GRB14: variants seen among roughly 807,000 people sequenced by gnomAD.
GRB14 encodes the protein growth factor receptor bound protein 14, also known as growth factor receptor-bound protein 14.
A neutral mutation model predicts 69.1 loss-of-function variants in GRB14; 38 were observed. That is an observed-to-expected ratio of 0.55 (90% CI 0.42 to 0.72). GRB14 has a LOEUF of 0.72. GRB14 is among the 30% of genes least tolerant of loss of function. The probability of loss-of-function intolerance (pLI) is 0.00; values close to 1 mark genes in which losing one functional copy is unlikely to be tolerated. For synonymous variants in GRB14, 247 were observed against 241.3 expected, an observed-to-expected ratio of 1.02 and a Z score of -0.22; for missense variants, 666 against 666.1, an observed-to-expected ratio of 1.00 and a Z score of 0.00.
At chr2:164,526,061 G>A (rs1278937645) in intron 4 of GRB14, among the ~76,000 whole-genome samples, 10 of 151,868 alleles carry the variant, frequency 6.6e-5, no homozygotes, top group Admixed American at 6.6e-4. Flanking sequence ...CTTTAATAAG[G>A]ACTCACAACA....
chr2:164,530,694 A>G (rs1391577806), intron 3 of GRB14, among the ~76,000 whole-genome samples: 1 of 152,148 alleles, frequency 6.6e-6, no homozygotes, highest in African/African-American at 2.4e-5. Flanking sequence ...CCAGGAGGTT[A>G]GTGTGGCTAA....
chr2:164,556,814 T>C lies in GRB14; in HGVS notation c.325-8998A>G, dbSNP rs547140651. Among the ~76,000 whole-genome samples, 104 of 152,306 alleles carry C rather than the reference T, an allele frequency of 6.8e-4. No individual in the cohort carries two copies. The South Asian group carries it at 7.7e-3, about 11-fold the overall frequency. Reference sequence around the variant, plus strand: ...AACGATGTATGACATCAGGGACCACTGTTTTCTCCTCTTTATATCCCCAGC... The same window carrying C: ...AACGATGTATGACATCAGGGACCACCGTTTTCTCCTCTTTATATCCCCAGC... On this transcript the variant is annotated intron_variant, in intron 2 of 13. Coordinates refer to ENST00000263915, the MANE Select transcript of GRB14 (RefSeq NM_004490.3).
intron 2 of GRB14, among the ~76,000 whole-genome samples, chr2:164,559,186 C>G (rs1451593502): frequency 6.6e-6 from 1 of 152,100 alleles, no homozygotes; most frequent in Non-Finnish European, 1.5e-5. Context: ...CTTTCTAGAT[C>G]CTAACATTCC....
rs1247637276 is a variant in GRB14 at position 164,502,323 on chromosome 2, G to A, written c.1036C>T (p.Leu346=). ...TATGGATGCATATAATTCTGGTACA[G>A]CTGCATGCCATACTGCAGAATAAAT... ...AIRLLKYGMQ[L]YQNYMHPYQG... Residue 346 remains leucine (L), a synonymous_variant, in exon 9 of 14, where the codon CTG becomes TTG. Coordinates refer to ENST00000263915, the MANE Select transcript of GRB14 (RefSeq NM_004490.3). The A allele has an allele frequency of 6.3e-7, 1 of 1,577,490 alleles. No homozygotes were observed. Among genetic ancestry groups the A allele is most frequent in the South Asian group, 1.1e-5 (1 of 89,864 alleles).
At chr2:164,548,897 T>C (rs529914377) in intron 2 of GRB14, among the ~76,000 whole-genome samples, 11 of 152,218 alleles carry the variant, frequency 7.2e-5, no homozygotes, top group African/African-American at 2.6e-4. Flanking sequence ...TTGAAGGAGT[T>C]TCATTCTTTC....
At chr2:164,618,753 T>C (rs1027744208) in intron 2 of GRB14, among the ~76,000 whole-genome samples, 4 of 152,104 alleles carry the variant, frequency 2.6e-5, no homozygotes, top group Non-Finnish European at 5.9e-5. Context: ...GTTGAACCCA[T>C]TAGAAGCAAT....
chr2:164,564,697 G>A (rs950241842), intron 2 of GRB14, among the ~76,000 whole-genome samples: 1 of 152,084 alleles, frequency 6.6e-6, no homozygotes, highest in African/African-American at 2.4e-5. Context: ...GATGAAGAAT[G>A]CAAAAATGTT....
chr2:164,562,750 T>C lies in GRB14; in HGVS notation c.325-14934A>G, dbSNP rs144749463. Among the ~76,000 whole-genome samples, 971 of 152,290 alleles carry C rather than the reference T, an allele frequency of 6.4e-3. 8 individuals carry two copies. The highest frequency in any genetic ancestry group is 0.022 in the African/African-American group (928 of 41,560). ...TGAGGAAGCATCATCATCCCCAAGA[T>C]AGAGAAACTGATTCTCAGAGGGTTT... On this transcript the variant is annotated intron_variant, in intron 2 of 13. Coordinates refer to ENST00000263915, the MANE Select transcript of GRB14 (RefSeq NM_004490.3).
chr2:164,568,546 T>C (rs905041527), intron 2 of GRB14: 1 of 942,220 alleles, frequency 1.1e-6, no homozygotes, highest in African/African-American at 1.8e-5. Context: ...CAATTAAGGA[T>C]GGCTGTGGGA....
intron 2 of GRB14, among the ~76,000 whole-genome samples, chr2:164,610,655 A>G (rs1054270768): frequency 3.3e-5 from 5 of 152,040 alleles, no homozygotes; most frequent in African/African-American, 1.2e-4. Flanking sequence ...TAAACATGTC[A>G]AAATATAATT....
intron 9 of GRB14, among the ~76,000 whole-genome samples, chr2:164,498,159 A>G (rs1686954288): frequency 6.6e-6 from 1 of 152,146 alleles, no homozygotes; most frequent in Non-Finnish European, 1.5e-5. Context: ...TAACCTTAAA[A>G]TTTCCATGAT....
chr2:164,499,485 C>T (rs1261675956), intron 9 of GRB14, among the ~76,000 whole-genome samples: 1 of 152,096 alleles, frequency 6.6e-6, no homozygotes. Flanking sequence ...CTCAAAAGGT[C>T]ATTTTCAGAT....
At chr2:164,620,835 CAGA>C (rs1441376526) in intron 1 of GRB14, among the ~76,000 whole-genome samples, 3 of 152,138 alleles carry the variant, frequency 2.0e-5, no homozygotes, top group Non-Finnish European at 4.4e-5. Flanking sequence ...CACGAAGGAA[CAGA>C]AGGTGATCAG....
chr2:164,582,837 A>C (rs1689448989), intron 2 of GRB14, among the ~76,000 whole-genome samples: 2 of 152,190 alleles, frequency 1.3e-5, no homozygotes, highest in Admixed American at 1.3e-4. Flanking sequence ...AGAACACAGA[A>C]GTTAGTATGG....
chr2:164,617,851 C>T (rs1224327626), intron 2 of GRB14, among the ~76,000 whole-genome samples: 1 of 150,862 alleles, frequency 6.6e-6, no homozygotes, highest in Non-Finnish European at 1.5e-5. Context: ...ATAGCAGGCC[C>T]TTAGTAATTT....
intron 6 of GRB14, among the ~76,000 whole-genome samples, chr2:164,512,804 A>G (rs1429688725): frequency 6.6e-6 from 1 of 152,162 alleles, no homozygotes; most frequent in African/African-American, 2.4e-5. Flanking sequence ...TTGCAGCTCC[A>G]TATCTCCTAT....
At chr2:164,618,448 T>A (rs2105365484) in intron 2 of GRB14, among the ~76,000 whole-genome samples, 1 of 152,232 alleles carries the variant, frequency 6.6e-6, no homozygotes, top group Admixed American at 6.5e-5. Context: ...CAAGAGAGTC[T>A]CCTCTTTGTC....
chr2:164,509,037 AATTTT>A (rs535155275), intron 6 of GRB14, among the ~76,000 whole-genome samples, 185 bp from the exon 7 acceptor site: 73 of 152,310 alleles, frequency 4.8e-4, no homozygotes, highest in Non-Finnish European at 7.2e-4. Flanking sequence ...AGCTGGATAC[AATTTT>A]ATTTAATTTG....
At chr2:164,549,026 C>T (rs184687848) in intron 2 of GRB14, among the ~76,000 whole-genome samples, 7 of 151,218 alleles carry the variant, frequency 4.6e-5, no homozygotes, top group African/African-American at 1.2e-4. Context: ...TACAGGCATG[C>T]GCCACCACAC....
Sources: gnomAD v4.1 joint callset for allele counts (sites outside exome capture counted in the v4.1 genomes callset) on GRCh38, gnomAD v4.1.1 for gene constraint, MANE v1.5 for transcripts, NCBI Gene and HGNC (gene_info 2026-07-23, HGNC 2026-07-21) for gene names.